Variants in TMEM44 observed in about 807,000 individuals in gnomAD.
The protein encoded by TMEM44 is transmembrane protein 44.
In TMEM44, 43 loss-of-function variants were observed where a neutral mutation model predicts 47.8. The ratio of observed to expected loss-of-function variants is 0.90; its 90% CI spans 0.70 to 1.16. The LOEUF (loss-of-function observed/expected upper bound fraction) is 1.16. Among genes scored for constraint, TMEM44 ranks in the 50% most tolerant of loss-of-function variants. TMEM44 has a pLI of 0.00. For missense variants in TMEM44, 568 were observed against 555.2 expected (o/e 1.02, Z -0.23); for synonymous variants, 277 against 238.8 (o/e 1.16, Z -1.48).
rs1715281052 is a variant in TMEM44 at position 194,611,101 on chromosome 3, T to G, written c.913-81A>C. On this transcript the variant is annotated intron_variant, in intron 7 of 9. Transcript: ENST00000347147. This position sits in a 1 kb window ranked among gnomAD's most constrained non-coding sequence, Gnocchi z 4.2. ...TTCTAAAAACAAGGTCACATTTTAT[T>G]CAAAAGGACCCCCGTGGTATTTTCT... 1 of 1,112,542 alleles carries G rather than the reference T, an allele frequency of 9.0e-7. No individual in the cohort carries two copies. The highest frequency in any genetic ancestry group is 1.5e-5 in the African/African-American group (1 of 65,490). The allele number at this position is 1,112,542 out of a possible 1,614,324, so 68.9% of individuals were successfully genotyped here.
chr3:194,623,438 C>T, intron 4 of TMEM44, 91 bp downstream of exon 4: 11 of 1,508,394 alleles, frequency 7.3e-6, no homozygotes, highest in Non-Finnish European at 9.8e-6. Context: ...GAAGGCTTAA[C>T]CCCACTCCCC....
intron 9 of TMEM44, among the ~76,000 whole-genome samples, chr3:194,598,075 G>GTGGAGTAT (rs1340662752): frequency 6.6e-6 from 1 of 152,228 alleles, no homozygotes; most frequent in Non-Finnish European, 1.5e-5. Context: ...CACAGTCTCC[G>GTGGAGTAT]TGGAGTATGC....
chr3:194,606,320 C>G (rs1318604652), intron 8 of TMEM44, among the ~76,000 whole-genome samples: 1 of 152,084 alleles, frequency 6.6e-6, no homozygotes, highest in Non-Finnish European at 1.5e-5. Flanking sequence ...CAAGGGAGCA[C>G]CTCTGCAGCT....
intron 8 of TMEM44, among the ~76,000 whole-genome samples, chr3:194,606,552 C>T (rs1442204554): frequency 1.3e-5 from 2 of 152,166 alleles, no homozygotes; most frequent in African/African-American, 4.8e-5. Context: ...AATCCTCTTT[C>T]TGTGATTTTT....
At chr3:194,617,765 C>A in intron 5 of TMEM44, 1 of 703,346 alleles carries the variant, frequency 1.4e-6, no homozygotes, top group South Asian at 1.5e-5. Flanking sequence ...TCCCCAGTGT[C>A]GGAGGTGGGG....
At chr3:194,590,933 C>T (rs7630462) in intron 9 of TMEM44, among the ~76,000 whole-genome samples, 15,097 of 152,204 alleles carry the variant, frequency 0.099, 832 homozygotes, top group South Asian at 0.22. Flanking sequence ...GGGACTCACG[C>T]CTGTAATCTC....
chr3:194,620,718 G>GC (rs1393141179), intron 5 of TMEM44, among the ~76,000 whole-genome samples: 1 of 152,024 alleles, frequency 6.6e-6, no homozygotes, highest in Non-Finnish European at 1.5e-5. Context: ...TGCAATGTGT[G>GC]CCCCCAAAAG....
intron 9 of TMEM44, among the ~76,000 whole-genome samples, chr3:194,597,505 A>G (rs1713563742): frequency 6.6e-6 from 1 of 151,938 alleles, no homozygotes; most frequent in Admixed American, 6.6e-5. Context: ...CTAAAAATAC[A>G]AAAAATTAGC....
At position 194,633,043 on chromosome 3, in the gene TMEM44, C is replaced by CCTGCCCGACAG. The variant is rs1553842571; in HGVS notation, c.137+35_137+36insCTGTCGGGCAG. The CCTGCCCGACAG allele has an allele frequency of 7.8e-6, 12 of 1,536,388 alleles. No individual in the cohort carries two copies. The African/African-American group carries it at 1.2e-4, about 16-fold the overall frequency. On this transcript the variant is annotated intron_variant, in intron 1 of 9. Coordinates refer to ENST00000347147, the MANE Select transcript of TMEM44 (RefSeq NM_001011655.3). ...GCAGCAGGGGATTGGCGCCCGTTTC[C>CCTGCCCGACAG]CCGCCCGACAGCCCCCCGACCCGTG... is the stretch of plus-strand genomic sequence containing the variant.
At chr3:194,627,811 T>G (rs1358916194) in intron 2 of TMEM44, among the ~76,000 whole-genome samples, 1 of 152,060 alleles carries the variant, frequency 6.6e-6, no homozygotes, top group Non-Finnish European at 1.5e-5. Context: ...AAACCCCATC[T>G]CTATTAAAAA....
chr3:194,630,752 G>C (rs560694359), intron 1 of TMEM44, among the ~76,000 whole-genome samples: 1 of 147,848 alleles, frequency 6.8e-6, no homozygotes, highest in African/African-American at 2.5e-5. Context: ...GGCTGTTTCC[G>C]TCGGCGTCAC....
At position 194,611,646 on chromosome 3, in the gene TMEM44, A is replaced by C. The variant is rs1715333740; in HGVS notation, c.913-626T>G. Reference sequence around the variant, plus strand: ...GCGGCCAAGTTTGCGAACCACTGCAATAGGTGCCCAATAAGTGCTTTTGCA... The same window carrying C: ...GCGGCCAAGTTTGCGAACCACTGCACTAGGTGCCCAATAAGTGCTTTTGCA... On this transcript the variant is annotated intron_variant, in intron 7 of 9. Transcript: ENST00000347147. This position sits in a 1 kb window ranked among gnomAD's most constrained non-coding sequence, Gnocchi z 4.2. Among the ~76,000 whole-genome samples the C allele has an allele frequency of 6.6e-6, 1 of 152,216 alleles. No individual in the cohort carries two copies.
chr3:194,592,929 C>T, intron 9 of TMEM44: 1 of 1,330,658 alleles, frequency 7.5e-7, no homozygotes, highest in Non-Finnish European at 1.1e-6. Context: ...TCTTTTTTTA[C>T]TGAAGGAATT....
chr3:194,602,662 T>C (rs1714281366), intron 9 of TMEM44, among the ~76,000 whole-genome samples: 1 of 150,516 alleles, frequency 6.6e-6, no homozygotes, highest in African/African-American at 2.4e-5. Flanking sequence ...AAGGAGCCGC[T>C]AGCCTCTGGG....
At chr3:194,631,843 C>T (rs1717859187) in intron 1 of TMEM44, among the ~76,000 whole-genome samples, 1 of 152,128 alleles carries the variant, frequency 6.6e-6, no homozygotes. Flanking sequence ...TGGCAAGGCC[C>T]TGAAAACAAA....
chr3:194,623,568 G>C lies in TMEM44; in HGVS notation c.486C>G (p.Ile162Met). ...CTAGCAGCCTCCGCTGTGGCCCCCGGATGGTGGCTGAAGCCTTCGGGACAG... is the reference window on the plus strand; with the variant it reads ...CTAGCAGCCTCCGCTGTGGCCCCCGCATGGTGGCTGAAGCCTTCGGGACAG... ...WVAVPKASAT[I>M]RGPQRRLLAS... The change falls in exon 4 of 10, where the codon ATC becomes ATG. Residue 162 changes from isoleucine to methionine, a missense_variant. Ile to Met is a conservative substitution (Grantham distance 10). Coordinates refer to ENST00000347147, the MANE Select transcript of TMEM44 (RefSeq NM_001011655.3). The C allele has an allele frequency of 6.2e-7, 1 of 1,609,118 alleles. No homozygotes were observed. Among genetic ancestry groups the C allele is most frequent in the Non-Finnish European group, 8.5e-7 (1 of 1,178,484 alleles).
At position 194,623,283 on chromosome 3, in the gene TMEM44, G is replaced by A. The variant is rs1481851815; in HGVS notation, c.553C>T (p.Leu185=). 10 of 1,610,728 alleles carry A rather than the reference G, an allele frequency of 6.2e-6. No homozygotes were observed. The highest frequency in any genetic ancestry group is 3.3e-4 in the Middle Eastern group (2 of 6,080). Residue 185 remains leucine (L), a synonymous_variant, in exon 5 of 10, where the codon CTG becomes TTG. Coordinates refer to ENST00000347147, the MANE Select transcript of TMEM44 (RefSeq NM_001011655.3). ...QENTEILGYL[L]GSVAAFGSWA... Reference sequence around the variant, plus strand: ...GAGCCAAAGGCAGCAACGCTACCCAGCAGGTAGCCGAGGATCTCAGTATTT... The same window carrying A: ...GAGCCAAAGGCAGCAACGCTACCCAACAGGTAGCCGAGGATCTCAGTATTT...
At chr3:194,600,665 C>T (rs1049575896) in intron 9 of TMEM44, among the ~76,000 whole-genome samples, 6 of 152,016 alleles carry the variant, frequency 3.9e-5, no homozygotes, top group East Asian at 1.9e-4. Context: ...GCAGGGGAAT[C>T]GCTTGAACCT....
Position 194,617,765 on chromosome 3 carries a change from C to T in TMEM44, c.613-496G>A, listed in dbSNP as rs754396936. 2.7e-5 allele frequency: 19 copies of T among 703,230 alleles called. No individual in the cohort carries two copies. In the African/African-American group the frequency reaches 2.8e-4, roughly 10 times the overall value. The allele number at this position is 703,230 out of a possible 1,614,324, so 43.6% of individuals were successfully genotyped here. ...CATGTTGAGTCGTAATCCCCAGTGT[C>T]GGAGGTGGGGCCTGGTGGGAGGTGG... On this transcript the variant is annotated intron_variant, in intron 5 of 9. Coordinates refer to ENST00000347147, the MANE Select transcript of TMEM44 (RefSeq NM_001011655.3).
Sources: allele counts gnomAD v4.1 joint callset (sites outside exome capture counted in the v4.1 genomes callset), GRCh38; gene constraint gnomAD v4.1.1; non-coding constraint Gnocchi (gnomAD v3.1); transcripts MANE v1.5; gene names NCBI Gene and HGNC (gene_info 2026-07-23, HGNC 2026-07-21).